Variants in FIG4 observed in about 807,000 individuals in gnomAD.
FIG4 encodes polyphosphoinositide phosphatase.
A neutral mutation model predicts 118.6 loss-of-function variants in FIG4; 112 were observed. The ratio of observed to expected loss-of-function variants is 0.94; its 90% CI spans 0.81 to 1.11. FIG4 has a LOEUF of 1.11. Among genes scored for constraint, FIG4 ranks in the 50% least tolerant of loss-of-function variants. The probability of loss-of-function intolerance (pLI) is 0.00; values close to 1 mark genes in which losing one functional copy is unlikely to be tolerated. For synonymous variants in FIG4, 369 were observed against 381.2 expected, an observed-to-expected ratio of 0.97 and a Z score of 0.37; for missense variants, 969 against 1,111.7, an observed-to-expected ratio of 0.87 and a Z score of 1.83.
At chr6:109,727,082 T>G (rs1418820537) in intron 3 of FIG4, 27 bp from the exon 4 acceptor site, 1 of 1,558,150 alleles carries the variant, frequency 6.4e-7, no homozygotes, top group Non-Finnish European at 8.9e-7. Flanking sequence ...TTATAAAGCA[T>G]ATTTCTCTTT....
At chr6:109,778,860 A>G (rs1004990888) in intron 16 of FIG4, among the ~76,000 whole-genome samples, 6 of 152,104 alleles carry the variant, frequency 3.9e-5, no homozygotes, top group African/African-American at 1.2e-4. Context: ...TGGCCTCCCA[A>G]AGTGCTGGGA....
intron 10 of FIG4, among the ~76,000 whole-genome samples, chr6:109,744,793 C>G (rs973047059): frequency 4.0e-5 from 6 of 151,432 alleles, no homozygotes; most frequent in African/African-American, 1.5e-4. Flanking sequence ...TTCCCCTATC[C>G]CCCCACCCCC....
intron 22 of FIG4, among the ~76,000 whole-genome samples, chr6:109,805,503 T>A (rs1433472875): frequency 6.6e-6 from 1 of 152,192 alleles, no homozygotes; most frequent in South Asian, 2.1e-4. Context: ...AAATCTTGCC[T>A]CTCAAACCCA....
intron 16 of FIG4, among the ~76,000 whole-genome samples, chr6:109,780,403 G>A (rs569186840): frequency 6.6e-6 from 1 of 152,220 alleles, no homozygotes; most frequent in African/African-American, 2.4e-5. Flanking sequence ...GGTAGAGACT[G>A]GGTTTTGTCA....
chr6:109,750,753 A>G (rs1776665034), intron 10 of FIG4, among the ~76,000 whole-genome samples: 1 of 152,188 alleles, frequency 6.6e-6, no homozygotes, highest in Non-Finnish European at 1.5e-5. Flanking sequence ...CTATTACACT[A>G]TGGACAGACA....
At chr6:109,779,425 A>G (rs1191924325) in intron 16 of FIG4, among the ~76,000 whole-genome samples, 1 of 152,224 alleles carries the variant, frequency 6.6e-6, no homozygotes, top group Non-Finnish European at 1.5e-5. Context: ...TTTCTAAAAA[A>G]GGAAATTGAG....
Position 109,796,799 on chromosome 6 carries a change from G to A in FIG4, c.2494G>A (p.Asp832Asn). ...GCTGGGGCAGAGTCAACATAAACAA[G>A]ACAAGAATAGCCAGCAGCCCTGTTC... Reference protein sequence around the residue: ...VQLGQSQHKQDKNSQQPCSRC... With the variant: ...VQLGQSQHKQNKNSQQPCSRC... Residue 832 changes from aspartate (D) to asparagine (N), a missense_variant, in exon 22 of 23, where the codon GAC (aspartate) becomes AAC (asparagine). This residue lies in a region of FIG4 where 330 missense variants were observed against 348.1 expected (regional missense o/e 0.95). Coordinates refer to ENST00000230124, the MANE Select transcript of FIG4 (RefSeq NM_014845.6). 6.2e-7 allele frequency: 1 copy of A among 1,612,456 alleles called. No homozygotes were observed. Among genetic ancestry groups the A allele is most frequent in the South Asian group, 1.1e-5 (1 of 91,048 alleles).
rs183404205 is a variant in FIG4, at chr6:109,754,583, G to C, written c.1138-5667G>C. The stretch of plus-strand genomic sequence containing the variant: ...TCCATCTGGTCCTGGACTCTTTTTA[G>C]TTGGTAAGCTATTGATTATTGCCAC... On this transcript the variant is annotated intron_variant, in intron 10 of 22. Transcript: ENST00000230124. Among the ~76,000 whole-genome samples, 168 of 152,282 alleles carry C rather than the reference G, an allele frequency of 1.1e-3. 1 individual carries two copies. Among genetic ancestry groups the C allele is most frequent in the African/African-American group, 3.8e-3 (158 of 41,560 alleles).
At chr6:109,719,376 C>CTG (rs1206908238) in intron 3 of FIG4, among the ~76,000 whole-genome samples, 4 of 150,900 alleles carry the variant, frequency 2.7e-5, no homozygotes, top group East Asian at 3.9e-4. Context: ...GTGTTTGTGT[C>CTG]TGTGTGTGTG....
chr6:109,772,517 C>T (rs904015748), intron 15 of FIG4, among the ~76,000 whole-genome samples: 12 of 152,190 alleles, frequency 7.9e-5, no homozygotes, highest in Admixed American at 2.6e-4. Context: ...AGTGCAATGG[C>T]GCAATCTCGG....
chr6:109,795,697 G>A (rs990477922), intron 21 of FIG4, among the ~76,000 whole-genome samples: 3 of 139,436 alleles, frequency 2.2e-5, no homozygotes, highest in South Asian at 2.3e-4. Context: ...CGCCTCATGG[G>A]TTCAAGCAAT....
At chr6:109,791,876 A>T (rs1778147566) in intron 20 of FIG4, among the ~76,000 whole-genome samples, 1 of 152,292 alleles carries the variant, frequency 6.6e-6, no homozygotes, top group Middle Eastern at 3.4e-3. Context: ...TACTGGGCAC[A>T]TTGTTGGATC....
At position 109,784,952 on chromosome 6, in the gene FIG4, T is replaced by A. The variant is rs769375338; in HGVS notation, c.1890-18T>A. On this transcript the variant is annotated intron_variant, in intron 16 of 22. Transcript: ENST00000230124. ...ATTTACATTTGGTTCATCTTTTTTT[T>A]TAATTTTTATTTTATAGTTATACTT... 23 of 1,396,014 alleles carry A rather than the reference T, an allele frequency of 1.6e-5. No individual in the cohort carries two copies. Among genetic ancestry groups the A allele is most frequent in the Non-Finnish European group, 2.3e-5 (23 of 1,005,430 alleles). 86.5% of individuals were successfully genotyped at this position (1,396,014 alleles called of 1,614,324 possible).
chr6:109,825,028 C>T, intron 22 of FIG4, 60 bp from the exon 23 acceptor site: 1 of 1,508,918 alleles, frequency 6.6e-7, no homozygotes, highest in Non-Finnish European at 9.2e-7. Context: ...TGAGACTGCT[C>T]CCTGTGGTCC....
chr6:109,798,291 G>A (rs1009100834), intron 22 of FIG4, among the ~76,000 whole-genome samples: 1 of 152,158 alleles, frequency 6.6e-6, no homozygotes, highest in African/African-American at 2.4e-5. Context: ...GGGAACAAGA[G>A]GGTGTTATTA....
rs749259112 is a variant in FIG4 at position 109,741,455 on chromosome 6, T to A, written c.787T>A (p.Tyr263Asn). ...ACTTGATTTCCAAGAGCTGTTGATC[T>A]ATGGACGACCAGTGTATGTCACTCT... ...GFCGQSKLLI[Y>N]GRPVYVTLIA... The change falls in exon 8 of 23, where the codon TAT (tyrosine) becomes AAT (asparagine). Residue 263 changes from tyrosine to asparagine, a missense_variant. Around this residue, in one of 3 missense-constraint regions of FIG4, gnomAD observed 393 missense variants for 409.4 expected, o/e 0.96. Coordinates refer to ENST00000230124, the MANE Select transcript of FIG4 (RefSeq NM_014845.6). 1.2e-6 allele frequency: 2 copies of A among 1,611,140 alleles called. No homozygotes were observed. The highest frequency in any genetic ancestry group is 1.7e-6 in the Non-Finnish European group (2 of 1,177,438).
At chr6:109,792,064 A>G (rs1236482317) in intron 20 of FIG4, among the ~76,000 whole-genome samples, 1 of 152,262 alleles carries the variant, frequency 6.6e-6, no homozygotes, top group Non-Finnish European at 1.5e-5. Context: ...TTAGAAATGG[A>G]TAAGGCAAAT....
intron 22 of FIG4, among the ~76,000 whole-genome samples, chr6:109,810,322 A>G (rs1778685052): frequency 6.6e-6 from 1 of 152,126 alleles, no homozygotes; most frequent in East Asian, 1.9e-4. Flanking sequence ...GGTAGCATGA[A>G]TCTGTGGAAA....
chr6:109,778,444 T>A (rs1777684956), intron 16 of FIG4, among the ~76,000 whole-genome samples: 2 of 144,800 alleles, frequency 1.4e-5, no homozygotes, highest in South Asian at 2.2e-4. Flanking sequence ...CACTCCAACC[T>A]GGGCAACAAG....
Sources: gnomAD v4.1 joint callset for allele counts (sites outside exome capture counted in the v4.1 genomes callset) on GRCh38, gnomAD v4.1.1 for gene constraint, gnomAD v4.1.1 regional missense constraint, MANE v1.5 for transcripts, NCBI Gene and HGNC (gene_info 2026-07-23, HGNC 2026-07-21) for gene names.